LYRM4: variants seen among roughly 807,000 people sequenced by gnomAD.
LYRM4 encodes the protein LYR motif-containing protein 4.
In LYRM4, 9 loss-of-function variants were observed where a neutral mutation model predicts 11.7. The observed-to-expected ratio is 0.77, with a 90% CI of 0.46 to 1.34. LYRM4 has a LOEUF of 1.34. Among genes scored for constraint, LYRM4 ranks in the 40% most tolerant of loss-of-function variants. The pLI is 0.00. For missense variants in LYRM4, 133 were observed against 112.5 expected (o/e 1.18, Z -0.82); for synonymous variants, 42 against 40.4 (o/e 1.04, Z -0.15).
At chr6:5,245,278 A>C (rs1357632758) in intron 1 of LYRM4, among the ~76,000 whole-genome samples, 2 of 150,778 alleles carry the variant, frequency 1.3e-5, no homozygotes, top group Admixed American at 1.3e-4. Context: ...TGAGGAAGGA[A>C]GGACAAGGAA....
intron 1 of LYRM4, among the ~76,000 whole-genome samples, chr6:5,220,692 G>T (rs1561880335): frequency 6.6e-6 from 1 of 152,284 alleles, no homozygotes; most frequent in East Asian, 1.9e-4. Flanking sequence ...TCACCCTTAT[G>T]CATCTTTGAG....
chr6:5,257,016 C>T (rs1382819778), intron 1 of LYRM4, among the ~76,000 whole-genome samples: 1 of 152,116 alleles, frequency 6.6e-6, no homozygotes, highest in Non-Finnish European at 1.5e-5. Flanking sequence ...TATTCCTGTC[C>T]TTACTAGCGT....
chr6:5,091,163 C>T, the LYRM4 span, among the ~76,000 whole-genome samples: 26 of 152,282 alleles, frequency 1.7e-4, no homozygotes, highest in East Asian at 2.3e-3. Flanking sequence ...TGCCAGGACC[C>T]GATGGACTCC....
chr6:5,134,275 G>C (rs1478062474), intron 2 of LYRM4, among the ~76,000 whole-genome samples: 1 of 152,100 alleles, frequency 6.6e-6, no homozygotes, highest in Non-Finnish European at 1.5e-5. Flanking sequence ...TTTTATGTAA[G>C]ATAAGCAAGA....
chr6:5,160,642 T>C (rs1245653781), intron 2 of LYRM4, among the ~76,000 whole-genome samples: 1 of 91,714 alleles, frequency 1.1e-5, no homozygotes, highest in Non-Finnish European at 2.2e-5. Context: ...CCTTCTGCCA[T>C]GATTATGAGA....
chr6:5,218,733 C>T (rs973687699), intron 1 of LYRM4, among the ~76,000 whole-genome samples: 6 of 152,170 alleles, frequency 3.9e-5, no homozygotes, highest in Non-Finnish European at 8.8e-5. Flanking sequence ...GGGGCTCATT[C>T]ACTTCTAAAG....
rs1759360858 is a variant in LYRM4 at position 5,170,469 on chromosome 6, C to T, written c.207+46149G>A. On this transcript the variant is annotated intron_variant, in intron 2 of 2. Transcript: ENST00000330636. ...TATTCTTGGGTATCAAAAGAGCTTT[C>T]TCACTTTATTTCTTTTATTTATTTA... Among the ~76,000 whole-genome samples the T allele has an allele frequency of 1.3e-5, 2 of 148,296 alleles. 1 individual carries two copies. Among genetic ancestry groups the T allele is most frequent in the South Asian group, 4.2e-4 (2 of 4,774 alleles).
chr6:5,178,833 A>AAG, intron 2 of LYRM4, among the ~76,000 whole-genome samples: 1 of 148,338 alleles, frequency 6.7e-6, no homozygotes, highest in South Asian at 2.1e-4. Flanking sequence ...AAAAAAAAAA[A>AAG]GAGTTTCCTC....
Position 5,205,741 on chromosome 6 carries a change from T to C in LYRM4, c.207+10877A>G, listed in dbSNP as rs140199400. Among the ~76,000 whole-genome samples, 6 of 152,370 alleles carry C rather than the reference T, an allele frequency of 3.9e-5. No homozygotes were observed. The East Asian group carries it at 9.6e-4, about 24-fold the overall frequency. Reference sequence around the variant, plus strand: ...GAGGAAAATTTATTTTTGCTATTTTTACCAGCTCCCCCTTCTCCACCTCAC... The same window carrying C: ...GAGGAAAATTTATTTTTGCTATTTTCACCAGCTCCCCCTTCTCCACCTCAC... On this transcript the variant is annotated intron_variant, in intron 2 of 2. Transcript: ENST00000330636.
intron 2 of LYRM4, among the ~76,000 whole-genome samples, chr6:5,157,619 A>G (rs541098476): frequency 2.0e-5 from 3 of 152,160 alleles, no homozygotes; most frequent in Non-Finnish European, 4.4e-5. Flanking sequence ...GAATTCCCAG[A>G]GGTGGCATTT....
Position 5,140,736 on chromosome 6 carries a change from A to T in LYRM4, c.208-31245T>A, listed in dbSNP as rs191952908. Among the ~76,000 whole-genome samples the T allele has an allele frequency of 3.3e-5, 5 of 152,350 alleles. No homozygotes were observed. The East Asian group carries it at 9.6e-4, about 29-fold the overall frequency. ...AAAGCATGTTAAAAATGTAACATAC[A>T]TGCTGAAAAATGGTTAAGAAGGTAA... On this transcript the variant is annotated intron_variant, in intron 2 of 2. Coordinates refer to ENST00000330636, the MANE Select transcript of LYRM4 (RefSeq NM_020408.6).
At chr6:5,260,598 T>C (rs1417138660) in intron 1 of LYRM4, 50 bp downstream of exon 1, 98 of 1,105,374 alleles carry the variant, frequency 8.9e-5, no homozygotes, top group Middle Eastern at 2.9e-4. Context: ...GCACCCCCGG[T>C]CCCCGGCCCC....
At chr6:5,244,304 T>C (rs1282597348) in intron 1 of LYRM4, among the ~76,000 whole-genome samples, 1 of 152,270 alleles carries the variant, frequency 6.6e-6, no homozygotes, top group Non-Finnish European at 1.5e-5. Context: ...CCATATGTTC[T>C]GTAGGTTGGG....
Position 5,216,638 on chromosome 6 carries a change from G to A in LYRM4, c.187C>T (p.Leu63Phe), listed in dbSNP as rs375231211. 27 of 1,613,878 alleles carry A rather than the reference G, an allele frequency of 1.7e-5. No individual in the cohort carries two copies. The highest frequency in any genetic ancestry group is 2.2e-5 in the Non-Finnish European group (26 of 1,180,008). Residue 63 changes from leucine (L) to phenylalanine (F), a missense_variant, in exon 2 of 3, where the codon CTT becomes TTT. Coordinates refer to ENST00000330636, the MANE Select transcript of LYRM4 (RefSeq NM_020408.6). The stretch of plus-strand genomic sequence containing the variant: ...CTTACCTGTCGACGAATTACTCCAA[G>A]GTCTCTCTTGGCTTTATTCACTAGG... ...QTLVNKAKRDLGVIRRQVHIG... is the reference protein window; with the variant it reads ...QTLVNKAKRDFGVIRRQVHIG...
chr6:5,229,684 A>G (rs1268433168), intron 1 of LYRM4, among the ~76,000 whole-genome samples: 1 of 152,248 alleles, frequency 6.6e-6, no homozygotes, highest in Non-Finnish European at 1.5e-5. Context: ...GTTGAGATAA[A>G]TATGAAATTT....
chr6:5,203,127 C>T (rs927025242), intron 2 of LYRM4, among the ~76,000 whole-genome samples: 2 of 152,158 alleles, frequency 1.3e-5, no homozygotes, highest in Non-Finnish European at 2.9e-5. Context: ...CAAATACAGA[C>T]GATTAACTAC....
At chr6:5,095,997 A>G in the LYRM4 span, among the ~76,000 whole-genome samples, 1 of 152,136 alleles carries the variant, frequency 6.6e-6, no homozygotes, top group Non-Finnish European at 1.5e-5. Context: ...CAAAAAACAA[A>G]AAACAAAACA....
intron 2 of LYRM4, among the ~76,000 whole-genome samples, chr6:5,160,714 A>G (rs1033121413): frequency 1.3e-5 from 2 of 151,826 alleles, no homozygotes; most frequent in Non-Finnish European, 2.9e-5. Flanking sequence ...GAAGTTACTC[A>G]GTCTTGGGCA....
At chr6:5,198,892 G>A (rs1468490755) in intron 2 of LYRM4, among the ~76,000 whole-genome samples, 3 of 152,036 alleles carry the variant, frequency 2.0e-5, no homozygotes, top group African/African-American at 7.2e-5. Flanking sequence ...TAATCAAAAC[G>A]ACAGAAAAAA....
Sources: gnomAD v4.1 joint callset for allele counts (sites outside exome capture counted in the v4.1 genomes callset) on GRCh38, gnomAD v4.1.1 for gene constraint, MANE v1.5 for transcripts, NCBI Gene and HGNC (gene_info 2026-07-23, HGNC 2026-07-21) for gene names.